The following ADGRL3 variants were observed in gnomAD, a reference collection of about 807,000 sequenced individuals.
The protein encoded by ADGRL3 is adhesion G protein-coupled receptor L3.
In ADGRL3, 62 loss-of-function variants were observed where a neutral mutation model predicts 153.5. The ratio of observed to expected loss-of-function variants is 0.40; its 90% CI spans 0.33 to 0.50. The LOEUF (loss-of-function observed/expected upper bound fraction) is 0.50. ADGRL3 is among the 20% of genes least tolerant of loss of function. ADGRL3 has a pLI of 0.47. For synonymous variants in ADGRL3, 710 were observed against 672.5 expected (o/e 1.06, Z -0.86); for missense variants, 1,641 against 1,859.4 (o/e 0.88, Z 2.16).
chr4:61,226,191 G>T (rs1166795633), intron 1 of ADGRL3, among the ~76,000 whole-genome samples: 1 of 151,468 alleles, frequency 6.6e-6, no homozygotes, highest in Non-Finnish European at 1.5e-5. Context: ...CAATTATCCT[G>T]CCTTCCATCA....
chr4:61,496,284 G>T (rs2098314573), intron 2 of ADGRL3, among the ~76,000 whole-genome samples: 1 of 152,168 alleles, frequency 6.6e-6, no homozygotes, highest in South Asian at 2.1e-4. Flanking sequence ...CTATTCTAAT[G>T]TTAGTGAAAT....
chr4:61,623,000 A>C (rs2092620356), intron 5 of ADGRL3, among the ~76,000 whole-genome samples: 2 of 152,276 alleles, frequency 1.3e-5, no homozygotes. Context: ...AACGTTCAAA[A>C]AATTAATGTT....
intron 8 of ADGRL3, among the ~76,000 whole-genome samples, chr4:61,783,037 C>T (rs1214388235): frequency 6.6e-6 from 1 of 152,114 alleles, no homozygotes; most frequent in Non-Finnish European, 1.5e-5. Flanking sequence ...ACTGACTAGA[C>T]CTGGCATTAT....
intron 5 of ADGRL3, among the ~76,000 whole-genome samples, chr4:61,651,658 A>C (rs1240954979): frequency 6.6e-6 from 1 of 151,190 alleles, no homozygotes. Flanking sequence ...ACCAGGCTGG[A>C]GTGCAGTGGC....
intron 6 of ADGRL3, among the ~76,000 whole-genome samples, chr4:61,720,235 G>T (rs1044535369): frequency 6.6e-6 from 1 of 151,512 alleles, no homozygotes; most frequent in Non-Finnish European, 1.5e-5. Context: ...GACTACAGGC[G>T]CCCACCACCA....
At chr4:61,904,123 G>T (rs1581391390) in intron 11 of ADGRL3, among the ~76,000 whole-genome samples, 5 of 138,690 alleles carry the variant, frequency 3.6e-5, no homozygotes, top group South Asian at 2.4e-4. Flanking sequence ...CAACATTTTT[G>T]TTGTTAAACA....
chr4:61,588,047 T>C (rs978114038), intron 5 of ADGRL3, among the ~76,000 whole-genome samples: 1 of 151,816 alleles, frequency 6.6e-6, no homozygotes, highest in Non-Finnish European at 1.5e-5. Context: ...GAAATATTTT[T>C]GATTCTAAAG....
chr4:61,270,412 T>C (rs2093100990), intron 1 of ADGRL3, among the ~76,000 whole-genome samples: 1 of 151,814 alleles, frequency 6.6e-6, no homozygotes, highest in Admixed American at 6.6e-5. Context: ...CACCAGTATT[T>C]CCCACACTGG....
At chr4:61,610,259 A>G (rs903179294) in intron 5 of ADGRL3, among the ~76,000 whole-genome samples, 1 of 152,094 alleles carries the variant, frequency 6.6e-6, no homozygotes, top group African/African-American at 2.4e-5. Context: ...CCTTTCTTCC[A>G]GTCAAGTGTC....
chr4:61,973,206 AT>A (rs1207630797), intron 17 of ADGRL3, among the ~76,000 whole-genome samples: 1 of 151,668 alleles, frequency 6.6e-6, no homozygotes. Flanking sequence ...TGTGATTATT[AT>A]TTTTTTTAAA....
chr4:61,577,200 G>A (rs1429931522), intron 4 of ADGRL3, among the ~76,000 whole-genome samples: 1 of 143,680 alleles, frequency 7.0e-6, no homozygotes, highest in East Asian at 2.3e-4. Context: ...GAGTGTGTGT[G>A]CATGTGTGTG....
chr4:61,704,674 T>G (rs781443939), intron 6 of ADGRL3, among the ~76,000 whole-genome samples: 8 of 152,244 alleles, frequency 5.3e-5, no homozygotes, highest in African/African-American at 9.6e-5. Flanking sequence ...TGACAGGCTT[T>G]TTTGATACCA....
chr4:61,455,529 G>A (rs991536538), intron 2 of ADGRL3, among the ~76,000 whole-genome samples: 1 of 152,002 alleles, frequency 6.6e-6, no homozygotes, highest in Non-Finnish European at 1.5e-5. Context: ...AAAACAGACA[G>A]CACTGACTTG....
intron 2 of ADGRL3, among the ~76,000 whole-genome samples, chr4:61,490,164 G>A (rs938945228): frequency 6.6e-6 from 1 of 151,998 alleles, no homozygotes; most frequent in African/African-American, 2.4e-5. Context: ...TGTTGAGTGA[G>A]ATCTTAGCCA....
At chr4:62,057,362 A>C (rs1168219226) in intron 25 of ADGRL3, among the ~76,000 whole-genome samples, 1 of 152,140 alleles carries the variant, frequency 6.6e-6, no homozygotes, top group Non-Finnish European at 1.5e-5. Flanking sequence ...AAAACTATAC[A>C]TTAGAGAAGG....
chr4:61,760,459 G>C (rs187393481), intron 8 of ADGRL3, among the ~76,000 whole-genome samples: 2 of 152,332 alleles, frequency 1.3e-5, no homozygotes, highest in East Asian at 3.9e-4. Context: ...CTCTGAGCCA[G>C]GCACGGGATA....
chr4:61,499,199 C>T (rs887797212), intron 3 of ADGRL3, among the ~76,000 whole-genome samples: 5 of 152,100 alleles, frequency 3.3e-5, no homozygotes, highest in African/African-American at 9.7e-5. Context: ...CTTCCTTTGA[C>T]GTTTTCCTCT....
chr4:61,743,033 A>G (rs894343795), intron 8 of ADGRL3, among the ~76,000 whole-genome samples: 5 of 151,972 alleles, frequency 3.3e-5, no homozygotes, highest in Non-Finnish European at 5.9e-5. Flanking sequence ...TAGAAAAAAC[A>G]ATTCTGGCTG....
intron 17 of ADGRL3, among the ~76,000 whole-genome samples, chr4:61,950,130 T>A (rs2098941399): frequency 6.6e-6 from 1 of 152,296 alleles, no homozygotes; most frequent in East Asian, 1.9e-4. Flanking sequence ...ATAAGTTCAA[T>A]AAAATGTGAA....
Sources: gnomAD v4.1 joint callset for allele counts (sites outside exome capture counted in the v4.1 genomes callset) on GRCh38, gnomAD v4.1.1 for gene constraint, MANE v1.5 for transcripts, NCBI Gene and HGNC (gene_info 2026-07-23, HGNC 2026-07-21) for gene names.